NOTCH2: variants seen among roughly 807,000 people sequenced by gnomAD.
NOTCH2 encodes the protein notch receptor 2.
Under a neutral mutation model 235.8 loss-of-function variants are expected in NOTCH2, and 29 were observed. That is an observed-to-expected ratio of 0.12 (90% CI 0.09 to 0.17). The LOEUF is 0.17. Among genes scored for constraint, NOTCH2 ranks in the 10% least tolerant of loss-of-function variants. The pLI, the probability that NOTCH2 is intolerant of heterozygous loss-of-function variation, is 1.00. For missense variants in NOTCH2, 2,285 were observed against 3,150.2 expected, an observed-to-expected ratio of 0.73 and a Z score of 6.57; for synonymous variants, 1,086 against 1,141.5, an observed-to-expected ratio of 0.95 and a Z score of 0.98.
rs750243777 is a variant in NOTCH2 at position 119,911,626 on chromosome 1, A to G, written c.*3680T>C. 8.6e-6 allele frequency: 2 copies of G among 232,360 alleles called. No individual in the cohort carries two copies. The highest frequency in any genetic ancestry group is 1.7e-5 in the Non-Finnish European group (2 of 117,618). 14.4% of individuals were successfully genotyped at this position (232,360 alleles called of 1,614,324 possible). A position where few individuals can be genotyped will look rare whatever the true frequency, so the allele number is the denominator to read the frequency against. ...AACTTATAACAAATTTATACACAAAATATTATTTTATAATCCTGTATATTA... is the reference window on the plus strand; with the variant it reads ...AACTTATAACAAATTTATACACAAAGTATTATTTTATAATCCTGTATATTA... On this transcript the variant is annotated 3_prime_UTR_variant, in exon 34 of 34. Coordinates refer to ENST00000256646, the MANE Select transcript of NOTCH2 (RefSeq NM_024408.4).
At chr1:119,967,669 C>G (rs782602011) in intron 7 of NOTCH2, 48 bp from the exon 8 acceptor site, 1 of 1,542,672 alleles carries the variant, frequency 6.5e-7, no homozygotes, top group South Asian at 1.1e-5. Flanking sequence ...GTTGAGTTTC[C>G]ACAAATGTGA....
intron 15 of NOTCH2, among the ~76,000 whole-genome samples, chr1:119,949,382 T>A (rs1033511622): frequency 9.4e-5 from 14 of 149,724 alleles, no homozygotes; most frequent in Non-Finnish European, 7.5e-5. Flanking sequence ...CACTACTATT[T>A]CTTTTTTTTT....
intron 27 of NOTCH2, 64 bp from the exon 28 acceptor site, chr1:119,922,510 G>T: frequency 1.3e-6 from 2 of 1,591,318 alleles, no homozygotes; most frequent in Non-Finnish European, 1.7e-6. Context: ...GTCAGCATTA[G>T]ATTCATTTAG....
chr1:119,944,861 C>T lies in NOTCH2; in HGVS notation c.2753-3107G>A, dbSNP rs376120198. Among the ~76,000 whole-genome samples, 73 of 152,184 alleles carry T rather than the reference C, an allele frequency of 4.8e-4. 1 individual carries two copies. In the South Asian group the frequency reaches 9.1e-3, roughly 19 times the overall value. ...CTTCATCACCAGGAGACAAAGACTA[C>T]ACAAAATATTCAAGGGATTTTTTCA... On this transcript the variant is annotated intron_variant, in intron 17 of 33. Coordinates refer to ENST00000256646, the MANE Select transcript of NOTCH2 (RefSeq NM_024408.4).
Position 119,937,267 on chromosome 1 carries a change from G to A in NOTCH2, c.3522+15C>T. The A allele has an allele frequency of 6.2e-7, 1 of 1,612,588 alleles. No individual in the cohort carries two copies. The highest frequency in any genetic ancestry group is 8.5e-7 in the Non-Finnish European group (1 of 1,179,722). On this transcript the variant is annotated intron_variant, in intron 21 of 33. Coordinates refer to ENST00000256646, the MANE Select transcript of NOTCH2 (RefSeq NM_024408.4). Reference sequence around the variant, plus strand: ...CCTGGGAGGTCCATGACCTCTGCTTGCTCAGTGTCCTCACCTCGCATCTGT... The same window carrying A: ...CCTGGGAGGTCCATGACCTCTGCTTACTCAGTGTCCTCACCTCGCATCTGT...
At chr1:119,995,888 G>T (rs1408945074) in intron 4 of NOTCH2, 1 of 152,192 alleles carries the variant, frequency 6.6e-6, no homozygotes, top group Non-Finnish European at 1.5e-5. Context: ...ACCAACCTAT[G>T]ACCTTTAATC....
intron 1 of NOTCH2, among the ~76,000 whole-genome samples, chr1:120,067,686 T>G (rs1162621947): frequency 3.3e-5 from 5 of 152,228 alleles, no homozygotes; most frequent in Non-Finnish European, 4.4e-5. Context: ...CTCTCTATCC[T>G]AAAGCTACAC....
chr1:119,941,417 T>A (rs1650058768), intron 18 of NOTCH2, 109 bp downstream of exon 18: 1 of 771,148 alleles, frequency 1.3e-6, no homozygotes, highest in African/African-American at 1.7e-5. Context: ...CTGGGATCCA[T>A]GTGGACACCT....
intron 23 of NOTCH2, among the ~76,000 whole-genome samples, chr1:119,927,715 T>C (rs1649521187): frequency 6.6e-6 from 1 of 152,226 alleles, no homozygotes. Context: ...TGCTTTGGCT[T>C]TCAAAGTGCA....
At chr1:119,918,670 G>A in intron 31 of NOTCH2, 117 bp from the exon 32 acceptor site, 1 of 989,636 alleles carries the variant, frequency 1.0e-6, no homozygotes, top group South Asian at 1.4e-5. Context: ...TGGAGGAGAG[G>A]GAAAGTCTTG....
Position 119,914,901 on chromosome 1 carries a change from C to G in NOTCH2, c.*405G>C. ...TGCGTAGGTCAATTCAGGCAGAATT[C>G]CAGGGCATAATTCCCAACAGGACGC... On this transcript the variant is annotated 3_prime_UTR_variant, in exon 34 of 34. Coordinates refer to ENST00000256646, the MANE Select transcript of NOTCH2 (RefSeq NM_024408.4). The G allele has an allele frequency of 2.8e-6, 1 of 363,336 alleles. No homozygotes were observed. The highest frequency in any genetic ancestry group is 4.5e-5 in the East Asian group (1 of 22,114). 22.5% of individuals were successfully genotyped at this position (363,336 alleles called of 1,614,324 possible). A position where few individuals can be genotyped will look rare whatever the true frequency, so the allele number is the denominator to read the frequency against.
intron 1 of NOTCH2, among the ~76,000 whole-genome samples, chr1:120,064,003 T>C (rs1166192642): frequency 6.6e-6 from 1 of 152,018 alleles, no homozygotes. Flanking sequence ...ACTCCTTTTA[T>C]GGAGAGCTGG....
chr1:119,969,502 G>A lies in NOTCH2; in HGVS notation c.1108+9C>T, dbSNP rs782487001. 1.2e-6 allele frequency: 2 copies of A among 1,612,320 alleles called. No homozygotes were observed. The highest frequency in any genetic ancestry group is 1.3e-5 in the African/African-American group (1 of 74,976). ...TCCCTGTTTCTAGATCCGTCCTTCT[G>A]CTACCTACCTGCCTTCCCCTCTGGG... On this transcript the variant is annotated intron_variant, in intron 6 of 33. Transcript: ENST00000256646.
rs1344372998 is a variant in NOTCH2, at chr1:120,069,573, C to G, written c.-167G>C. The G allele has an allele frequency of 3.7e-5, 52 of 1,410,230 alleles. No individual in the cohort carries two copies. In the African/African-American group the frequency reaches 6.4e-4, roughly 17 times the overall value. 87.4% of individuals were successfully genotyped at this position (1,410,230 alleles called of 1,614,324 possible). A position where few individuals can be genotyped will look rare whatever the true frequency, so the allele number is the denominator to read the frequency against. ...CCCAGGCGCAAATGCCTCGACTCCC[C>G]GCGCCCCGAGTCCGCCGCTCCTCGG... On this transcript the variant is annotated 5_prime_UTR_variant, in exon 1 of 34. Coordinates refer to ENST00000256646, the MANE Select transcript of NOTCH2 (RefSeq NM_024408.4).
At chr1:120,003,828 G>A (rs1422200740) in intron 3 of NOTCH2, among the ~76,000 whole-genome samples, 4 of 151,412 alleles carry the variant, frequency 2.6e-5, no homozygotes, top group African/African-American at 9.7e-5. Context: ...ACCAGTTGTA[G>A]AAAAGGGCAT....
chr1:120,063,776 T>G (rs1655401745), intron 1 of NOTCH2, among the ~76,000 whole-genome samples: 1 of 152,226 alleles, frequency 6.6e-6, no homozygotes. Context: ...TGGCTATTTC[T>G]TGAACACACA....
chr1:119,989,655 T>TAGGTA (rs368260269), intron 4 of NOTCH2, among the ~76,000 whole-genome samples: 7,005 of 148,002 alleles, frequency 0.047, 203 homozygotes, highest in South Asian at 0.11. Flanking sequence ...AATTATAAAG[T>TAGGTA]AGGTAAAGGA....
chr1:119,935,236 T>C (rs1649805438), intron 22 of NOTCH2: 8 of 1,416,878 alleles, frequency 5.6e-6, no homozygotes, highest in Non-Finnish European at 6.4e-6. Flanking sequence ...ATTCTGTGTT[T>C]CATGGAATAT....
Position 119,916,602 on chromosome 1 carries a change from G to A in NOTCH2, c.6120C>T (p.Asp2040=). 1 of 1,614,162 alleles carries A rather than the reference G, an allele frequency of 6.2e-7. No individual in the cohort carries two copies. The highest frequency in any genetic ancestry group is 8.5e-7 in the Non-Finnish European group (1 of 1,180,032). ...LDHFANRDIT[D]HMDRLPRDVA... ...CATCCCGGGGAAGACGATCCATATG[G>A]TCTGTGATGTCTCGATTGGCAAAAT... The change falls in exon 34 of 34, where the codon GAC becomes GAT. Residue 2040 remains aspartate, a synonymous_variant. Coordinates refer to ENST00000256646, the MANE Select transcript of NOTCH2 (RefSeq NM_024408.4).
Sources: allele counts gnomAD v4.1 joint callset (sites outside exome capture counted in the v4.1 genomes callset), GRCh38; gene constraint gnomAD v4.1.1; transcripts MANE v1.5; gene names NCBI Gene and HGNC (gene_info 2026-07-23, HGNC 2026-07-21).